Variants in PPP2R2B observed in about 807,000 individuals in gnomAD.
PPP2R2B encodes protein phosphatase 2 regulatory subunit Bbeta, also known as serine/threonine-protein phosphatase 2A 55 kDa regulatory subunit B beta isoform.
A neutral mutation model predicts 46.0 loss-of-function variants in PPP2R2B; 5 were observed. That is an observed-to-expected ratio of 0.11 (90% CI 0.06 to 0.23). PPP2R2B has a LOEUF of 0.23. Among genes scored for constraint, PPP2R2B ranks in the 10% least tolerant of loss-of-function variants. The probability of loss-of-function intolerance (pLI) is 1.00; values close to 1 mark genes in which losing one functional copy is unlikely to be tolerated. For synonymous variants in PPP2R2B, 215 were observed against 206.7 expected (o/e 1.04, Z -0.34); for missense variants, 367 against 575.0 (o/e 0.64, Z 3.70).
intron 2 of PPP2R2B, among the ~76,000 whole-genome samples, chr5:146,798,204 T>G (rs1408675671): frequency 6.6e-6 from 1 of 152,164 alleles, no homozygotes; most frequent in East Asian, 1.9e-4. Flanking sequence ...CCTTGTCTAC[T>G]TTATCCCAAT....
At chr5:146,674,206 G>C (rs1050712654) in intron 5 of PPP2R2B, among the ~76,000 whole-genome samples, 1 of 152,108 alleles carries the variant, frequency 6.6e-6, no homozygotes, top group Non-Finnish European at 1.5e-5. Flanking sequence ...AGTCCTATGA[G>C]ATACTTTAAA....
intron 2 of PPP2R2B, among the ~76,000 whole-genome samples, chr5:146,745,196 GAGAGAGAGAGAA>G (rs749862846): frequency 0.029 from 3,989 of 139,958 alleles, 93 homozygotes; most frequent in Non-Finnish European, 0.032. Context: ...GAGAGAGAGA[GAGAGAGAGAGAA>G]AGAGACTATA....
chr5:146,692,813 C>T (rs553353611), intron 4 of PPP2R2B, among the ~76,000 whole-genome samples: 3 of 152,242 alleles, frequency 2.0e-5, no homozygotes, highest in Admixed American at 6.5e-5. Context: ...GGATTACAGG[C>T]GGGAGCCACC....
chr5:147,027,169 A>C (rs1245268522), intron 1 of PPP2R2B, among the ~76,000 whole-genome samples: 1 of 152,240 alleles, frequency 6.6e-6, no homozygotes, highest in Non-Finnish European at 1.5e-5. Context: ...GGAATAAGTC[A>C]GACAAAAAGG....
chr5:146,804,420 G>A (rs978386194), intron 2 of PPP2R2B, among the ~76,000 whole-genome samples: 19 of 152,082 alleles, frequency 1.2e-4, no homozygotes, highest in Admixed American at 2.6e-4. Context: ...GGCCATCTGT[G>A]TACAAAGTTT....
At chr5:146,921,662 G>T (rs1561520036) in intron 1 of PPP2R2B, among the ~76,000 whole-genome samples, 1 of 152,268 alleles carries the variant, frequency 6.6e-6, no homozygotes, top group Non-Finnish European at 1.5e-5. Context: ...AAATGGAGAA[G>T]AAATTTCATC....
Position 146,926,363 on chromosome 5 carries a change from C to T in PPP2R2B, c.79+129302G>A, listed in dbSNP as rs535781946. 1.2e-3 allele frequency among the ~76,000 whole-genome samples: 186 copies of T among 152,022 alleles called. 1 individual carries two copies. Among genetic ancestry groups the T allele is most frequent in the African/African-American group, 3.9e-3 (162 of 41,486 alleles). On this transcript the variant is annotated intron_variant, in intron 1 of 8. Transcript: ENST00000336640. ...CCTATGCTAGTCTAAAATATATATA[C>T]ATTCCTGATTTTATTTATTTATTTA... is the stretch of plus-strand genomic sequence containing the variant.
intron 7 of PPP2R2B, among the ~76,000 whole-genome samples, chr5:146,634,195 A>C (rs2151073675): frequency 6.6e-6 from 1 of 152,310 alleles, no homozygotes; most frequent in African/African-American, 2.4e-5. Flanking sequence ...CCTGAAGAGA[A>C]TAAAAACGCT....
chr5:146,864,005 C>T (rs547418896), intron 2 of PPP2R2B, among the ~76,000 whole-genome samples: 8 of 152,138 alleles, frequency 5.3e-5, no homozygotes, highest in African/African-American at 1.2e-4. Flanking sequence ...CTTGGAACAG[C>T]GATTTTAGAA....
chr5:146,893,692 C>T lies in PPP2R2B; in HGVS notation c.79+161973G>A, dbSNP rs148054034. On this transcript the variant is annotated intron_variant, in intron 1 of 8. Coordinates refer to the PPP2R2B transcript ENST00000336640. ...GAACACATGGACACAGGGAGGGCAACATCACATACCAGAGGCTGTCAGTGG... is the reference window on the plus strand; with the variant it reads ...GAACACATGGACACAGGGAGGGCAATATCACATACCAGAGGCTGTCAGTGG... 1.7e-3 allele frequency among the ~76,000 whole-genome samples: 252 copies of T among 152,092 alleles called. 1 individual carries two copies. Among genetic ancestry groups the T allele is most frequent in the African/African-American group, 5.8e-3 (242 of 41,474 alleles).
intron 2 of PPP2R2B, among the ~76,000 whole-genome samples, chr5:146,741,015 G>A (rs1229444608): frequency 3.5e-5 from 5 of 142,586 alleles, no homozygotes; most frequent in South Asian, 2.3e-4. Context: ...CTAGCCAAGC[G>A]ACAGAGCAAG....
chr5:146,983,033 A>C (rs1298439768), intron 1 of PPP2R2B, among the ~76,000 whole-genome samples: 2 of 151,918 alleles, frequency 1.3e-5, no homozygotes, highest in South Asian at 4.1e-4. Flanking sequence ...ATTCAATTAC[A>C]TTTTTATATA....
chr5:146,795,947 TTATC>T (rs1436306914), intron 2 of PPP2R2B, among the ~76,000 whole-genome samples: 1 of 152,178 alleles, frequency 6.6e-6, no homozygotes, highest in Non-Finnish European at 1.5e-5. Flanking sequence ...ATGCACATTT[TTATC>T]TATGCTCAAC....
chr5:146,759,756 CTT>C (rs569890756), intron 2 of PPP2R2B, among the ~76,000 whole-genome samples: 3 of 143,052 alleles, frequency 2.1e-5, no homozygotes, highest in Admixed American at 7.0e-5. Context: ...CATTTCTTCC[CTT>C]TTTTTTTTTT....
At chr5:146,889,032 C>T (rs566408721) in intron 1 of PPP2R2B, among the ~76,000 whole-genome samples, 2 of 152,128 alleles carry the variant, frequency 1.3e-5, no homozygotes, top group African/African-American at 2.4e-5. Context: ...GAGAGAGAAA[C>T]GATTTTGTTC....
chr5:146,948,815 G>A (rs1764566577), intron 1 of PPP2R2B, among the ~76,000 whole-genome samples: 3 of 152,016 alleles, frequency 2.0e-5, no homozygotes, highest in South Asian at 4.1e-4. Flanking sequence ...CATTTGACAG[G>A]TAAATAAGTA....
At position 146,988,980 on chromosome 5, in the gene PPP2R2B, G is replaced by A. The variant is rs1052636218; in HGVS notation, c.79+66685C>T. On this transcript the variant is annotated intron_variant, in intron 1 of 8. Transcript: ENST00000336640. ...AAGAAACTACTATGAACAACTACAC[G>A]TAAATAAATTGGTAAACCTAGAAGA... Among the ~76,000 whole-genome samples the A allele has an allele frequency of 5.3e-5, 8 of 151,996 alleles. No individual in the cohort carries two copies. In the East Asian group the frequency reaches 7.7e-4, roughly 15 times the overall value.
At chr5:146,594,769 C>T (rs1355227874) in intron 8 of PPP2R2B, among the ~76,000 whole-genome samples, 1 of 152,180 alleles carries the variant, frequency 6.6e-6, no homozygotes, top group Non-Finnish European at 1.5e-5. Context: ...CTGGTGGGTC[C>T]TCAGTCCTTG....
intron 2 of PPP2R2B, among the ~76,000 whole-genome samples, chr5:146,711,233 C>T (rs915737624): frequency 5.9e-5 from 9 of 151,638 alleles, no homozygotes; most frequent in Non-Finnish European, 1.3e-4. Context: ...GCTTCTCAAT[C>T]TTTTTTTTTC....
Sources: allele counts gnomAD v4.1 joint callset (sites outside exome capture counted in the v4.1 genomes callset), GRCh38; gene constraint gnomAD v4.1.1; transcripts MANE v1.5; gene names NCBI Gene and HGNC (gene_info 2026-07-23, HGNC 2026-07-21).